The following MCOLN2 variants were observed in gnomAD, a reference collection of about 807,000 sequenced individuals.
The protein encoded by MCOLN2 is mucolipin-2.
MCOLN2 carries 57 observed loss-of-function variants against 67.5 expected under a neutral mutation model. The observed-to-expected ratio is 0.84, with a 90% CI of 0.68 to 1.05. The LOEUF (loss-of-function observed/expected upper bound fraction) is 1.05. Among genes scored for constraint, MCOLN2 ranks in the 50% least tolerant of loss-of-function variants. The pLI is 0.00. For missense variants in MCOLN2, 620 were observed against 678.8 expected, an observed-to-expected ratio of 0.91 and a Z score of 0.96; for synonymous variants, 246 against 233.3, an observed-to-expected ratio of 1.05 and a Z score of -0.50.
At chr1:84,978,336 A>T (rs1183020788) in intron 1 of MCOLN2, among the ~76,000 whole-genome samples, 1 of 150,770 alleles carries the variant, frequency 6.6e-6, no homozygotes, top group East Asian at 1.9e-4. Context: ...GAACTAGAAA[A>T]GCAAGAGCAA....
chr1:84,990,081 G>A (rs1650809096), intron 1 of MCOLN2, among the ~76,000 whole-genome samples: 1 of 151,922 alleles, frequency 6.6e-6, no homozygotes, highest in South Asian at 2.1e-4. Context: ...CGGATCACGA[G>A]GTCAGGAGTT....
chr1:84,984,954 C>A (rs1571040396), intron 1 of MCOLN2, among the ~76,000 whole-genome samples: 2 of 152,204 alleles, frequency 1.3e-5, no homozygotes, highest in South Asian at 4.1e-4. Flanking sequence ...TGTGATCACA[C>A]CAGTGTACTC....
At chr1:84,943,648 A>G (rs1647920221) in intron 7 of MCOLN2, among the ~76,000 whole-genome samples, 1 of 152,186 alleles carries the variant, frequency 6.6e-6, no homozygotes, top group South Asian at 2.1e-4. Context: ...CTGAGGGCAA[A>G]GCAGCTCCTA....
chr1:84,932,006 A>C (rs969711024), intron 11 of MCOLN2, among the ~76,000 whole-genome samples: 7 of 150,196 alleles, frequency 4.7e-5, no homozygotes, highest in Non-Finnish European at 8.9e-5. Context: ...CCTGGGGGAC[A>C]CAGCGAGACC....
chr1:84,973,073 C>A (rs924227131), intron 1 of MCOLN2, among the ~76,000 whole-genome samples: 1 of 152,078 alleles, frequency 6.6e-6, no homozygotes, highest in Non-Finnish European at 1.5e-5. Context: ...TGAGAAGAAA[C>A]TATTAGGGCT....
chr1:84,950,237 A>T (rs1028148568), intron 6 of MCOLN2, among the ~76,000 whole-genome samples: 14 of 152,242 alleles, frequency 9.2e-5, no homozygotes, highest in African/African-American at 3.4e-4. Context: ...TAGTGAAACA[A>T]ATATGATTGA....
At chr1:84,971,489 TAAAC>T (rs1435604736) in intron 1 of MCOLN2, among the ~76,000 whole-genome samples, 3 of 127,494 alleles carry the variant, frequency 2.4e-5, no homozygotes, top group Non-Finnish European at 3.3e-5. Context: ...TGAAGGGTAT[TAAAC>T]AGACATACAC....
Position 84,965,699 on chromosome 1 carries a change from C to T in MCOLN2, c.87G>A (p.Met29Ile), listed in dbSNP as rs1377109858. The change falls in exon 2 of 14, where the codon ATG (methionine) becomes ATA (isoleucine). Residue 29 changes from methionine to isoleucine, a missense_variant. Transcript: ENST00000370608. ...CTTTCATCTCAGAATCACGATGTGC[C>T]ATTGCATTTCTGCCACAGAAGATTA... ...GVFRLTVRNA[M>I]AHRDSEMKEE... The T allele has an allele frequency of 6.2e-7, 1 of 1,611,006 alleles. No homozygotes were observed. Among genetic ancestry groups the T allele is most frequent in the African/African-American group, 1.3e-5 (1 of 74,716 alleles).
chr1:84,967,183 G>A (rs1022910922), intron 1 of MCOLN2, among the ~76,000 whole-genome samples: 45 of 152,232 alleles, frequency 3.0e-4, no homozygotes, highest in African/African-American at 1.0e-3. Flanking sequence ...GTCAGAGACT[G>A]AAGGTCAGGT....
At chr1:84,962,082 A>G (rs1649115959) in intron 2 of MCOLN2, among the ~76,000 whole-genome samples, 1 of 152,240 alleles carries the variant, frequency 6.6e-6, no homozygotes, top group Admixed American at 6.5e-5. Flanking sequence ...TTATGCAAGG[A>G]AAGGTGATCA....
rs761021302 is a variant in MCOLN2 at position 84,956,551 on chromosome 1, G to A, written c.445C>T (p.Leu149Phe). ...HQLKDITLGT[L>F]GYGENEDNRI... Reference sequence around the variant, plus strand: ...TTGTCTTCATTTTCTCCATAACCAAGGGTCCCCAGGGTAATGTCCTTTAGC... The same window carrying A: ...TTGTCTTCATTTTCTCCATAACCAAAGGTCCCCAGGGTAATGTCCTTTAGC... The change falls in exon 4 of 14, where the codon CTT becomes TTT. Residue 149 changes from leucine to phenylalanine, a missense_variant. Physicochemically the swap from Leu to Phe is conservative, Grantham distance 22. Coordinates refer to ENST00000370608, the MANE Select transcript of MCOLN2 (RefSeq NM_153259.4). 6 of 1,607,292 alleles carry A rather than the reference G, an allele frequency of 3.7e-6. No individual in the cohort carries two copies. The Admixed American group carries it at 5.1e-5, about 14-fold the overall frequency.
chr1:84,930,357 T>G (rs193009778), intron 12 of MCOLN2, among the ~76,000 whole-genome samples: 338 of 152,214 alleles, frequency 2.2e-3, no homozygotes, highest in African/African-American at 7.9e-3. Context: ...ATGTAGACTC[T>G]GCTTGGAAAG....
intron 1 of MCOLN2, among the ~76,000 whole-genome samples, chr1:84,980,721 C>A (rs1292139574): frequency 1.3e-5 from 2 of 152,084 alleles, no homozygotes; most frequent in African/African-American, 4.8e-5. Context: ...GAAACTACTA[C>A]AAGAAAACAC....
chr1:84,952,407 C>T (rs1049947426), intron 5 of MCOLN2, 39 bp downstream of exon 5: 1 of 1,567,842 alleles, frequency 6.4e-7, no homozygotes, highest in South Asian at 1.1e-5. Flanking sequence ...CTTCTCCCAC[C>T]CTCATCTCTT....
chr1:84,974,705 T>C (rs1234267806), intron 1 of MCOLN2, among the ~76,000 whole-genome samples: 1 of 151,994 alleles, frequency 6.6e-6, no homozygotes, highest in African/African-American at 2.4e-5. Flanking sequence ...ATCTCGGCTA[T>C]TGGGGGGTGG....
chr1:84,986,543 C>CA (rs570093444), intron 1 of MCOLN2, among the ~76,000 whole-genome samples: 11,833 of 48,878 alleles, frequency 0.24, 942 homozygotes, highest in East Asian at 0.34. Context: ...AACTCCATCT[C>CA]AAAAAAAAAA....
chr1:84,992,994 T>C (rs1650966507), intron 1 of MCOLN2, among the ~76,000 whole-genome samples: 1 of 152,256 alleles, frequency 6.6e-6, no homozygotes, highest in African/African-American at 2.4e-5. Flanking sequence ...CTCTGTTGCA[T>C]GCAACGCTGT....
At chr1:84,993,793 G>A (rs1176204495) in intron 1 of MCOLN2, among the ~76,000 whole-genome samples, 1 of 151,232 alleles carries the variant, frequency 6.6e-6, no homozygotes, top group Non-Finnish European at 1.5e-5. Context: ...ACCACGCCCG[G>A]CTAATTTTTT....
chr1:84,945,720 ATATTT>A (rs1184331926), intron 7 of MCOLN2, among the ~76,000 whole-genome samples: 4 of 151,970 alleles, frequency 2.6e-5, no homozygotes, highest in African/African-American at 7.2e-5. Flanking sequence ...GTAGCCCATG[ATATTT>A]TATTTTATTT....
Sources: gnomAD v4.1 joint callset for allele counts (sites outside exome capture counted in the v4.1 genomes callset) on GRCh38, gnomAD v4.1.1 for gene constraint, MANE v1.5 for transcripts, NCBI Gene and HGNC (gene_info 2026-07-23, HGNC 2026-07-21) for gene names.